The following SHTN1 variants were observed in gnomAD, a reference collection of about 807,000 sequenced individuals.
SHTN1 encodes shootin 1.
Under a neutral mutation model 83.1 loss-of-function variants are expected in SHTN1, and 42 were observed. The ratio of observed to expected loss-of-function variants is 0.51; its 90% CI spans 0.39 to 0.65. The LOEUF (loss-of-function observed/expected upper bound fraction) is 0.65. SHTN1 is among the 30% of genes least tolerant of loss of function. SHTN1 has a pLI of 0.00. For synonymous variants in SHTN1, 224 were observed against 247.7 expected, an observed-to-expected ratio of 0.90 and a Z score of 0.90; for missense variants, 622 against 737.8, an observed-to-expected ratio of 0.84 and a Z score of 1.82.
At position 116,883,466 on chromosome 10, in the gene SHTN1, T is replaced by G. The variant is rs914078359; in HGVS notation, c.*2878A>C. 6.6e-6 allele frequency: 1 copy of G among 152,222 alleles called. No individual in the cohort carries two copies. Among genetic ancestry groups the G allele is most frequent in the African/African-American group, 2.4e-5 (1 of 41,458 alleles). The allele number at this position is 152,222 out of a possible 1,614,324, so 9.4% of individuals were successfully genotyped here. Reference sequence around the variant, plus strand: ...ATGAGTCTTTGAAGGTCAGTGATAATGACAGATGGTTATCCATTCTCGACA... The same window carrying G: ...ATGAGTCTTTGAAGGTCAGTGATAAGGACAGATGGTTATCCATTCTCGACA... On this transcript the variant is annotated 3_prime_UTR_variant, in exon 17 of 17. Coordinates refer to ENST00000355371, the MANE Select transcript of SHTN1 (RefSeq NM_001127211.3).
chr10:116,988,052 T>C (rs374838489), intron 1 of SHTN1, among the ~76,000 whole-genome samples: 3 of 152,196 alleles, frequency 2.0e-5, no homozygotes, highest in East Asian at 3.8e-4. Flanking sequence ...TGCTATATAT[T>C]TGTCCAAACC....
chr10:117,110,007 G>A (rs750148637), intron 1 of SHTN1, among the ~76,000 whole-genome samples: 1 of 152,120 alleles, frequency 6.6e-6, no homozygotes, highest in Non-Finnish European at 1.5e-5. Flanking sequence ...CTGAATCATA[G>A]CTGGAGAGTC....
chr10:116,953,938 G>T lies in SHTN1; in HGVS notation c.436+104C>A, dbSNP rs1589838860. 4.0e-6 allele frequency: 4 copies of T among 1,006,008 alleles called. 1 individual carries two copies. The highest frequency in any genetic ancestry group is 4.3e-4 in the Middle Eastern group (2 of 4,638). The allele number at this position is 1,006,008 out of a possible 1,614,324, so 62.3% of individuals were successfully genotyped here. On this transcript the variant is annotated intron_variant, in intron 5 of 16. Coordinates refer to ENST00000355371, the MANE Select transcript of SHTN1 (RefSeq NM_001127211.3). The stretch of plus-strand genomic sequence containing the variant: ...GCCACCACGCCCTGCCTAGGCATCA[G>T]TATTTTGAAAGCTTCCCACATGATT...
chr10:117,006,330 G>T (rs186687088), upstream of SHTN1, among the ~76,000 whole-genome samples: 788 of 151,728 alleles, frequency 5.2e-3, 10 homozygotes, highest in African/African-American at 0.018. Flanking sequence ...ACTTTGGGAG[G>T]CCAAGGCGGG....
intron 2 of SHTN1, among the ~76,000 whole-genome samples, chr10:117,011,399 T>G (rs750415901): frequency 1.3e-4 from 20 of 152,218 alleles, no homozygotes; most frequent in Non-Finnish European, 2.9e-4. Context: ...GAAAATCAAC[T>G]GGTGATATAC....
chr10:116,942,166 G>C (rs1849396434), intron 8 of SHTN1, among the ~76,000 whole-genome samples: 1 of 151,928 alleles, frequency 6.6e-6, no homozygotes, highest in African/African-American at 2.4e-5. Flanking sequence ...CTTCAGACCA[G>C]TGATTTAATT....
chr10:116,975,634 T>C (rs956975373), intron 2 of SHTN1, among the ~76,000 whole-genome samples: 2 of 151,044 alleles, frequency 1.3e-5, no homozygotes, highest in African/African-American at 4.9e-5. Flanking sequence ...GACTCCATTC[T>C]CAAAGTCACT....
intron 1 of SHTN1, among the ~76,000 whole-genome samples, chr10:116,979,949 C>G (rs1850954925): frequency 6.6e-6 from 1 of 152,220 alleles, no homozygotes; most frequent in African/African-American, 2.4e-5. Context: ...GATTGTCAGT[C>G]ACGACCAGAA....
chr10:116,908,493 AT>A (rs1410274514), intron 14 of SHTN1, among the ~76,000 whole-genome samples: 1 of 152,180 alleles, frequency 6.6e-6, no homozygotes, highest in Non-Finnish European at 1.5e-5. Flanking sequence ...TACAACAACT[AT>A]TCCCATATCA....
intron 2 of SHTN1, among the ~76,000 whole-genome samples, chr10:117,041,536 C>T (rs1266590362): frequency 6.6e-6 from 1 of 152,084 alleles, no homozygotes; most frequent in Non-Finnish European, 1.5e-5. Flanking sequence ...ACAGGCATTG[C>T]TTCATACGAG....
At chr10:116,933,918 G>C (rs2133384624) in intron 9 of SHTN1, among the ~76,000 whole-genome samples, 1 of 152,270 alleles carries the variant, frequency 6.6e-6, no homozygotes, top group South Asian at 2.1e-4. Context: ...CTAATGACCA[G>C]TGATGATGAG....
intron 2 of SHTN1, chr10:116,974,222 T>G (rs983486986): frequency 2.6e-6 from 2 of 781,846 alleles, no homozygotes; most frequent in African/African-American, 3.7e-5. Context: ...TGTTTCTAGA[T>G]AGATTGCTGT....
chr10:116,927,204 C>G (rs932501975), intron 11 of SHTN1, among the ~76,000 whole-genome samples: 2 of 152,090 alleles, frequency 1.3e-5, no homozygotes, highest in African/African-American at 4.8e-5. Context: ...ATTAGCAAGA[C>G]AGAAAAGTAA....
At chr10:117,029,844 T>TTC (rs775526943) in intron 2 of SHTN1, among the ~76,000 whole-genome samples, 19 of 148,126 alleles carry the variant, frequency 1.3e-4, no homozygotes, top group African/African-American at 3.3e-4. Context: ...CTTTCTTTCT[T>TTC]TCTCTCTCTC....
In SHTN1 at chr10:116,959,359, T is replaced by C. The variant is rs571086128; in HGVS notation, c.267+777A>G. ...CTCTAGGAAGCACACTGTTAATGCA[T>C]ACAAATTACATTTATTTATGTATTT... On this transcript the variant is annotated intron_variant, in intron 4 of 16. Coordinates refer to ENST00000355371, the MANE Select transcript of SHTN1 (RefSeq NM_001127211.3). Among the ~76,000 whole-genome samples, 3 of 152,310 alleles carry C rather than the reference T, an allele frequency of 2.0e-5. No homozygotes were observed. In the South Asian group the frequency reaches 6.2e-4, roughly 32 times the overall value.
chr10:116,932,955 A>G (rs1471860272), intron 9 of SHTN1, among the ~76,000 whole-genome samples: 1 of 152,280 alleles, frequency 6.6e-6, no homozygotes, highest in East Asian at 1.9e-4. Flanking sequence ...TTCAGAACCA[A>G]AAGTTAAATT....
chr10:117,006,255 T>C (rs968151783), upstream of SHTN1, among the ~76,000 whole-genome samples: 4 of 151,726 alleles, frequency 2.6e-5, no homozygotes, highest in African/African-American at 9.7e-5. Flanking sequence ...TTTTTTGTTT[T>C]TTTGTTTTTA....
chr10:116,999,582 G>C (rs2133534923), intron 1 of SHTN1, among the ~76,000 whole-genome samples: 2 of 152,320 alleles, frequency 1.3e-5, no homozygotes, highest in Middle Eastern at 3.4e-3. Context: ...TTACACACTT[G>C]TTTTCTATGA....
At chr10:116,894,645 G>A (rs1159913497) in intron 16 of SHTN1, among the ~76,000 whole-genome samples, 2 of 152,112 alleles carry the variant, frequency 1.3e-5, no homozygotes, top group Non-Finnish European at 2.9e-5. Flanking sequence ...CTTTCGAAGG[G>A]CTTCTCCCTT....
Sources: allele counts gnomAD v4.1 joint callset (sites outside exome capture counted in the v4.1 genomes callset), GRCh38; gene constraint gnomAD v4.1.1; transcripts MANE v1.5; gene names NCBI Gene and HGNC (gene_info 2026-07-23, HGNC 2026-07-21).